DOCK1: variants seen among roughly 807,000 people sequenced by gnomAD.
DOCK1 encodes dedicator of cytokinesis protein 1.
A neutral mutation model predicts 262.7 loss-of-function variants in DOCK1; 138 were observed. That is an observed-to-expected ratio of 0.53 (90% confidence interval 0.46 to 0.61). DOCK1 has a LOEUF of 0.61. Among genes scored for constraint, DOCK1 ranks in the 20% least tolerant of loss-of-function variants. DOCK1 has a pLI of 0.00. For missense variants in DOCK1, 1,908 were observed against 2,370.7 expected, an observed-to-expected ratio of 0.80 and a Z score of 4.05; for synonymous variants, 866 against 867.4, an observed-to-expected ratio of 1.00 and a Z score of 0.03.
chr10:127,197,199 A>G (rs904392630), intron 27 of DOCK1, among the ~76,000 whole-genome samples: 9 of 151,960 alleles, frequency 5.9e-5, no homozygotes. Context: ...ACATTTAGGG[A>G]CACTCCAGAG....
At chr10:127,417,644 C>T (rs1372541839) in intron 44 of DOCK1, among the ~76,000 whole-genome samples, 1 of 152,188 alleles carries the variant, frequency 6.6e-6, no homozygotes, top group African/African-American at 2.4e-5. Context: ...GGCTCAATCT[C>T]GGCTCACTGC....
rs764269961 is a variant in DOCK1, at chr10:127,024,686, A to T, written c.1454A>T (p.His485Leu). The T allele has an allele frequency of 1.9e-6, 3 of 1,608,676 alleles. No homozygotes were observed. Among genetic ancestry groups the T allele is most frequent in the African/African-American group, 1.3e-5 (1 of 74,876 alleles). The change falls in exon 15 of 52, where the codon CAT (histidine) becomes CTT (leucine). Residue 485 changes from histidine (H) to leucine (L), a missense_variant and splice_region_variant. By Grantham distance (99) the His-to-Leu change is moderately conservative. Coordinates refer to ENST00000623213, the MANE Select transcript of DOCK1 (RefSeq NM_001290223.2). ...VYDEDGKRLE[H>L]VIFPGAGDEA... ...AGCTCTTTATGTCTTCTTTTAAAGCATGTGATTTTCCCGGGTGCTGGTGAT... is the reference window on the plus strand; with the variant it reads ...AGCTCTTTATGTCTTCTTTTAAAGCTTGTGATTTTCCCGGGTGCTGGTGAT...
At chr10:127,213,897 T>G (rs1289143652) in intron 27 of DOCK1, among the ~76,000 whole-genome samples, 7 of 152,214 alleles carry the variant, frequency 4.6e-5, no homozygotes, top group African/African-American at 1.7e-4. Flanking sequence ...TGGAGTGCAG[T>G]GGCGCCATCT....
chr10:127,444,386 G>T, intron 50 of DOCK1, 107 bp downstream of exon 50: 1 of 1,353,886 alleles, frequency 7.4e-7, no homozygotes, highest in Non-Finnish European at 9.8e-7. Flanking sequence ...GCAGCAGAGG[G>T]TGGGAGTTTA....
chr10:127,283,450 A>G (rs2061035249), intron 29 of DOCK1, among the ~76,000 whole-genome samples: 1 of 152,240 alleles, frequency 6.6e-6, no homozygotes, highest in Non-Finnish European at 1.5e-5. Flanking sequence ...AGGAACACTG[A>G]ATAGTTTCCT....
At chr10:127,220,403 C>A (rs1386450935) in intron 27 of DOCK1, among the ~76,000 whole-genome samples, 1 of 151,958 alleles carries the variant, frequency 6.6e-6, no homozygotes, top group Non-Finnish European at 1.5e-5. Context: ...GAATGAACTG[C>A]ACGTGGGGCT....
chr10:127,334,110 T>C (rs1021376192), intron 29 of DOCK1, among the ~76,000 whole-genome samples: 2 of 152,212 alleles, frequency 1.3e-5, no homozygotes, highest in African/African-American at 4.8e-5. Flanking sequence ...TTGTGATACA[T>C]GCATTCATTG....
intron 15 of DOCK1, chr10:127,026,093 C>T: frequency 3.3e-6 from 1 of 305,542 alleles, no homozygotes; most frequent in Non-Finnish European, 5.8e-6. Context: ...AGAATCTTAA[C>T]AGTAATGGTC....
chr10:127,336,462 T>C (rs538566070), intron 29 of DOCK1, among the ~76,000 whole-genome samples: 1 of 152,264 alleles, frequency 6.6e-6, no homozygotes, highest in East Asian at 1.9e-4. Flanking sequence ...CTCTCAGCCC[T>C]GCACTTTCTC....
At chr10:127,351,469 C>T (rs1306956213) in intron 31 of DOCK1, among the ~76,000 whole-genome samples, 3 of 152,136 alleles carry the variant, frequency 2.0e-5, no homozygotes, top group Non-Finnish European at 4.4e-5. Flanking sequence ...GCTGTGGAGG[C>T]ATGGAAAGTC....
chr10:126,940,712 C>T (rs1458327946), intron 1 of DOCK1, among the ~76,000 whole-genome samples: 4 of 152,148 alleles, frequency 2.6e-5, no homozygotes, highest in African/African-American at 9.7e-5. Flanking sequence ...CCCAAAGTAC[C>T]TATTTTAGTA....
intron 4 of DOCK1, among the ~76,000 whole-genome samples, chr10:126,985,611 T>A (rs1330859797): frequency 1.3e-5 from 2 of 152,120 alleles, no homozygotes; most frequent in Non-Finnish European, 2.9e-5. Flanking sequence ...GGAGCACCAG[T>A]GCACTCAACC....
At chr10:126,959,475 G>A (rs2037019551) in intron 1 of DOCK1, among the ~76,000 whole-genome samples, 2 of 152,060 alleles carry the variant, frequency 1.3e-5, no homozygotes, top group African/African-American at 2.4e-5. Flanking sequence ...TATGATTTGT[G>A]GGGCATGACT....
At chr10:127,352,210 G>A (rs1306013024) in intron 31 of DOCK1, among the ~76,000 whole-genome samples, 8 of 115,682 alleles carry the variant, frequency 6.9e-5, no homozygotes, top group Non-Finnish European at 1.5e-4. Context: ...TCCGGGAGAG[G>A]TGGGGAGCAT....
At chr10:127,206,663 A>C (rs1286916344) in intron 27 of DOCK1, among the ~76,000 whole-genome samples, 3 of 152,156 alleles carry the variant, frequency 2.0e-5, no homozygotes, top group East Asian at 1.9e-4. Flanking sequence ...CGAGCTCAAT[A>C]AATAAAGAAC....
intron 33 of DOCK1, among the ~76,000 whole-genome samples, chr10:127,365,710 G>T (rs1305187285): frequency 5.3e-5 from 8 of 152,146 alleles, no homozygotes; most frequent in African/African-American, 1.9e-4. Flanking sequence ...TTTCTGAATT[G>T]TTCCCCTTTT....
At chr10:127,294,196 A>T (rs1475110259) in intron 29 of DOCK1, among the ~76,000 whole-genome samples, 1 of 152,162 alleles carries the variant, frequency 6.6e-6, no homozygotes, top group Non-Finnish European at 1.5e-5. Context: ...TCTCAGATAT[A>T]CTTATAATGC....
chr10:126,985,833 T>C (rs1164624850), intron 4 of DOCK1, among the ~76,000 whole-genome samples: 2 of 152,080 alleles, frequency 1.3e-5, no homozygotes, highest in Non-Finnish European at 2.9e-5. Flanking sequence ...TGGTGGCCCA[T>C]GAAAGGGTCA....
chr10:127,322,090 G>A (rs537850527), intron 29 of DOCK1, among the ~76,000 whole-genome samples: 66 of 151,738 alleles, frequency 4.3e-4, no homozygotes, highest in South Asian at 2.7e-3. Flanking sequence ...GAGACAGAGC[G>A]AGACTCTGTC....
Sources: allele counts gnomAD v4.1 joint callset (sites outside exome capture counted in the v4.1 genomes callset), GRCh38; gene constraint gnomAD v4.1.1; transcripts MANE v1.5; gene names NCBI Gene and HGNC (gene_info 2026-07-23, HGNC 2026-07-21).